Variants in PLAC1 observed in about 807,000 individuals in gnomAD.
PLAC1 encodes the protein placenta-specific protein 1.
For synonymous variants in PLAC1, 68 were observed against 62.1 expected, an observed-to-expected ratio of 1.09 and a Z score of -0.44; for missense variants, 136 against 163.2, an observed-to-expected ratio of 0.83 and a Z score of 0.91.
At chrX:134,596,467 G>C (rs1187362344) in intron 2 of PLAC1, among the ~76,000 whole-genome samples, 2 of 112,082 alleles carry the variant, frequency 1.8e-5, no homozygotes, top group African/African-American at 6.5e-5. Context: ...TATTTTTGTG[G>C]GATATAGGAT....
At chrX:134,638,224 T>C (rs746473916) in intron 1 of PLAC1, among the ~76,000 whole-genome samples, 15 of 112,531 alleles carry the variant, frequency 1.3e-4, no homozygotes, top group Non-Finnish European at 2.1e-4. Flanking sequence ...CATCAGCTTC[T>C]ACTTCAAAAT....
In PLAC1 at chrX:134,687,825, T is replaced by C. The variant is rs1292030471; in HGVS notation, n.174+45610A>G. On this transcript the variant is annotated intron_variant and non_coding_transcript_variant, in intron 2 of 2. Coordinates refer to the PLAC1 transcript ENST00000466797. ...TTAGGACTGAGATAACATATATATATATATATATATATATATATATATATA... is the reference window on the plus strand; with the variant it reads ...TTAGGACTGAGATAACATATATATACATATATATATATATATATATATATA... Among the ~76,000 whole-genome samples, 10 of 7,015 alleles carry C rather than the reference T, an allele frequency of 1.4e-3. 1 individual carries two copies. The highest frequency in any genetic ancestry group is 1.6e-3 in the Non-Finnish European group (3 of 1,902). The allele number at this position is 7,015 out of a possible 115,157, so 6.1% of individuals were successfully genotyped here. A position where few individuals can be genotyped will look rare whatever the true frequency, so the allele number is the denominator to read the frequency against.
chrX:134,672,604 T>C (rs954927506), intron 2 of PLAC1, among the ~76,000 whole-genome samples: 1 of 112,319 alleles, frequency 8.9e-6, no homozygotes, highest in African/African-American at 3.2e-5. Context: ...AAAAATACCC[T>C]TGATCAATAT....
chrX:134,674,921 G>T (rs1688289213), intron 2 of PLAC1, among the ~76,000 whole-genome samples: 1 of 112,579 alleles, frequency 8.9e-6, no homozygotes, highest in Admixed American at 9.4e-5. Context: ...CAGGACAGGA[G>T]TTTGGGAAGA....
intron 1 of PLAC1, among the ~76,000 whole-genome samples, chrX:134,625,441 T>C (rs1351119921): frequency 8.9e-6 from 1 of 112,557 alleles, no homozygotes; most frequent in Non-Finnish European, 1.9e-5. Context: ...CTCTGCTTTC[T>C]AACAATTTCC....
chrX:134,585,175 C>CAAAAAAAAAAAAAAA (rs56343935), intron 2 of PLAC1, among the ~76,000 whole-genome samples: 2 of 33,480 alleles, frequency 6.0e-5, no homozygotes, highest in Non-Finnish European at 9.2e-5. Flanking sequence ...ACTAAAAGTA[C>CAAAAAAAAAAAAAAA]AAAAAAAAAA....
intron 2 of PLAC1, among the ~76,000 whole-genome samples, chrX:134,677,155 C>A (rs2147813975): frequency 9.0e-6 from 1 of 111,111 alleles, no homozygotes; most frequent in East Asian, 2.8e-4. Context: ...CTGGGTGATT[C>A]CGACGTCCAC....
intron 1 of PLAC1, among the ~76,000 whole-genome samples, chrX:134,742,396 T>C (rs1602947169): frequency 8.9e-6 from 1 of 111,900 alleles, no homozygotes; most frequent in Non-Finnish European, 1.9e-5. Context: ...GAGACCAGCC[T>C]GGCCAATATG....
rs147318937 is a variant in PLAC1 at position 134,580,033 on chromosome X, G to C, written c.-58-13293C>G. Among the ~76,000 whole-genome samples, 897 of 112,185 alleles carry C rather than the reference G, an allele frequency of 8.0e-3. 5 individuals carry two copies. Among genetic ancestry groups the C allele is most frequent in the South Asian group, 0.016 (42 of 2,695 alleles). ...CCTTCCGCCAATTGGAGCACCCTTGGGAGTAGAAGAACAGAAAGAGGTTCA... is the reference window on the plus strand; with the variant it reads ...CCTTCCGCCAATTGGAGCACCCTTGCGAGTAGAAGAACAGAAAGAGGTTCA... On this transcript the variant is annotated intron_variant, in intron 2 of 2. Coordinates refer to ENST00000359237, the MANE Select transcript of PLAC1 (RefSeq NM_021796.4).
At chrX:134,710,269 A>G (rs756626106) in intron 2 of PLAC1, among the ~76,000 whole-genome samples, 95 of 111,879 alleles carry the variant, frequency 8.5e-4, no homozygotes, top group African/African-American at 3.1e-3. Context: ...AAAAACAACA[A>G]CAAAACAAGA....
Position 134,713,721 on chromosome X carries a change from CAAAT to C in PLAC1, n.174+19710_174+19713del, listed in dbSNP as rs747826384. Reference sequence around the variant, plus strand: ...ATTTTGGTTGGCAGAATTTGAAAGACAAATAAACATTACTTCAGGAGCAGAGAAG... The same window carrying C: ...ATTTTGGTTGGCAGAATTTGAAAGACAAACATTACTTCAGGAGCAGAGAAG... On this transcript the variant is annotated intron_variant and non_coding_transcript_variant, in intron 2 of 2. Transcript: ENST00000466797. 2.1e-3 allele frequency among the ~76,000 whole-genome samples: 233 copies of C among 112,012 alleles called. 1 individual carries two copies. Among genetic ancestry groups the C allele is most frequent in the African/African-American group, 7.3e-3 (225 of 30,865 alleles).
chrX:134,749,820 G>A (rs1333155888), intron 1 of PLAC1, among the ~76,000 whole-genome samples: 1 of 111,652 alleles, frequency 9.0e-6, no homozygotes, highest in Non-Finnish European at 1.9e-5. Flanking sequence ...TCTGGAAAGA[G>A]TGTTAGTTAA....
chrX:134,724,189 C>T (rs1360236740), intron 2 of PLAC1, among the ~76,000 whole-genome samples: 1 of 111,625 alleles, frequency 9.0e-6, no homozygotes, highest in African/African-American at 3.3e-5. Context: ...GTGGAAAGAC[C>T]GGGAAAATGT....
At chrX:134,665,247 C>A (rs1227833875) in intron 2 of PLAC1, among the ~76,000 whole-genome samples, 1 of 111,636 alleles carries the variant, frequency 9.0e-6, no homozygotes, top group East Asian at 2.8e-4. Context: ...TAAGGGTCAC[C>A]ACTGAGTCAC....
intron 2 of PLAC1, among the ~76,000 whole-genome samples, chrX:134,700,532 C>G (rs1274965123): frequency 2.7e-5 from 3 of 111,462 alleles, no homozygotes; most frequent in Non-Finnish European, 5.7e-5. Flanking sequence ...GAGTCTATAC[C>G]TAGAAAACCC....
chrX:134,685,739 C>T (rs2078514798), intron 2 of PLAC1, among the ~76,000 whole-genome samples: 1 of 111,421 alleles, frequency 9.0e-6, no homozygotes, highest in African/African-American at 3.3e-5. Flanking sequence ...CTTTTTCACA[C>T]CCTAAAAGCT....
rs111360547 is a variant in PLAC1 at position 134,667,410 on chromosome X, G to A, written n.175-65288C>T. 6.9e-3 allele frequency among the ~76,000 whole-genome samples: 777 copies of A among 112,181 alleles called. 3 individuals are homozygous for A. Among genetic ancestry groups the A allele is most frequent in the African/African-American group, 0.023 (721 of 30,862 alleles). ...CAAAGAAGATACATGAATGGCCAAT[G>A]GAGCACATAAAAATATGCTCGACAT... On this transcript the variant is annotated intron_variant and non_coding_transcript_variant, in intron 2 of 2. Coordinates refer to the PLAC1 transcript ENST00000466797.
At chrX:134,624,710 C>G (rs1453415272) in intron 1 of PLAC1, among the ~76,000 whole-genome samples, 1 of 111,356 alleles carries the variant, frequency 9.0e-6, no homozygotes, top group Non-Finnish European at 1.9e-5. Context: ...AGGAATTGGC[C>G]CAGGGGAATA....
chrX:134,713,459 T>G (rs940660892), intron 2 of PLAC1, among the ~76,000 whole-genome samples: 1 of 111,984 alleles, frequency 8.9e-6, no homozygotes, highest in African/African-American at 3.2e-5. Context: ...GATGCAAATT[T>G]CAGTCACAAA....
Sources: allele counts gnomAD v4.1 joint callset (sites outside exome capture counted in the v4.1 genomes callset), GRCh38; gene constraint gnomAD v4.1.1; transcripts MANE v1.5; gene names NCBI Gene and HGNC (gene_info 2026-07-23, HGNC 2026-07-21).